The following MX2 variants were observed in gnomAD, a reference collection of about 807,000 sequenced individuals.
MX2 encodes the protein MX dynamin like GTPase 2.
Under a neutral mutation model 74.0 loss-of-function variants are expected in MX2, and 51 were observed. The observed-to-expected ratio is 0.69, with a 90% CI of 0.55 to 0.87. The LOEUF (loss-of-function observed/expected upper bound fraction) is 0.87, where lower values mean the gene tolerates loss of function less well. MX2 is among the 40% of genes least tolerant of loss of function. The pLI is 0.00. For missense variants in MX2, 832 were observed against 908.7 expected (o/e 0.92, Z 1.09); for synonymous variants, 369 against 339.3 (o/e 1.09, Z -0.96).
chr21:41,376,963 A>G lies in MX2; in HGVS notation c.57A>G (p.Arg19=), dbSNP rs750734940. The G allele has an allele frequency of 2.5e-6, 4 of 1,614,086 alleles. No homozygotes were observed. The South Asian group carries it at 4.4e-5, about 18-fold the overall frequency. ...GGAGGAGAAGTCAATTTTCTTCTCGAAAATACCTGAAAAAAGAAATGAATT... is the reference window on the plus strand; with the variant it reads ...GGAGGAGAAGTCAATTTTCTTCTCGGAAATACCTGAAAAAAGAAATGAATT... ...PYRRRSQFSS[R]KYLKKEMNSF... The change falls in exon 2 of 14, where the codon CGA becomes CGG. Residue 19 remains arginine, a synonymous_variant. Coordinates refer to ENST00000330714, the MANE Select transcript of MX2 (RefSeq NM_002463.2).
chr21:41,372,402 ATTAC>A (rs1381657217), intron 1 of MX2, among the ~76,000 whole-genome samples: 1 of 152,238 alleles, frequency 6.6e-6, no homozygotes, highest in Non-Finnish European at 1.5e-5. Flanking sequence ...GATTGCCAAT[ATTAC>A]TTGTCAGAAG....
intron 7 of MX2, among the ~76,000 whole-genome samples, chr21:41,397,022 G>C (rs1238992222): frequency 1.3e-5 from 2 of 152,160 alleles, no homozygotes; most frequent in Admixed American, 1.3e-4. Flanking sequence ...TGAAATCCTT[G>C]CATGCCTGCT....
chr21:41,379,970 A>C (rs1489169392), intron 3 of MX2, 47 bp from the exon 4 acceptor site: 6 of 1,607,200 alleles, frequency 3.7e-6, no homozygotes, highest in Admixed American at 1.7e-5. Flanking sequence ...GCCCAGTGCC[A>C]CTTCTTTAAA....
rs1212498745 is a variant in MX2 at position 41,368,664 on chromosome 21, C to T, written c.-72+6609C>T. 6.6e-6 allele frequency among the ~76,000 whole-genome samples: 1 copy of T among 152,154 alleles called. No individual in the cohort carries two copies. Among genetic ancestry groups the T allele is most frequent in the Admixed American group, 6.5e-5 (1 of 15,284 alleles). Reference sequence around the variant, plus strand: ...ATGAGGGTGAGGGTGAGGGTGGCGACAGTTTTAAATATGTTTTAAAAGGAA... The same window carrying T: ...ATGAGGGTGAGGGTGAGGGTGGCGATAGTTTTAAATATGTTTTAAAAGGAA... On this transcript the variant is annotated intron_variant, in intron 1 of 13. Coordinates refer to ENST00000330714, the MANE Select transcript of MX2 (RefSeq NM_002463.2). This position sits in a 1 kb window ranked among gnomAD's most constrained non-coding sequence, Gnocchi z 4.6.
Position 41,385,198 on chromosome 21 carries a change from A to G in MX2, c.732+2634A>G, listed in dbSNP as rs147960220. ...AAGCAGCTTAGCTTTTGGCCTTTACATGCCTTTCTCACTAAACTCAATCAT... is the reference window on the plus strand; with the variant it reads ...AAGCAGCTTAGCTTTTGGCCTTTACGTGCCTTTCTCACTAAACTCAATCAT... On this transcript the variant is annotated intron_variant, in intron 5 of 13. Coordinates refer to ENST00000330714, the MANE Select transcript of MX2 (RefSeq NM_002463.2). 2.3e-3 allele frequency among the ~76,000 whole-genome samples: 351 copies of G among 152,366 alleles called. 1 individual carries two copies. The highest frequency in any genetic ancestry group is 6.8e-3 in the Middle Eastern group (2 of 294).
intron 4 of MX2, among the ~76,000 whole-genome samples, chr21:41,381,916 C>T (rs908644993): frequency 6.6e-6 from 1 of 152,166 alleles, no homozygotes; most frequent in African/African-American, 2.4e-5. Context: ...CAGCCAGCTT[C>T]CCCTAGGGCT....
At chr21:41,405,535 A>T (rs911534876) in intron 12 of MX2, among the ~76,000 whole-genome samples, 1 of 151,918 alleles carries the variant, frequency 6.6e-6, no homozygotes, top group Admixed American at 6.6e-5. Flanking sequence ...GGCCTCAGTC[A>T]CATTCATGAG....
In MX2 at chr21:41,406,749, G is replaced by T. The variant is rs61730267; in HGVS notation, c.1656G>T (p.Thr552=). 1.9e-6 allele frequency: 3 copies of T among 1,613,750 alleles called. No homozygotes were observed. Among genetic ancestry groups the T allele is most frequent in the East Asian group, 2.2e-5 (1 of 44,874 alleles). The part of the protein sequence containing the change: ...FFNLNQTVQS[T]IEDIKVKHTA... ...TGTCTTTTTTATCTAACCAGAGCAC[G>T]ATTGAAGACATAAAAGTGAAACACA... Residue 552 remains threonine, a synonymous_variant, in exon 13 of 14, where the codon ACG becomes ACT. Coordinates refer to ENST00000330714, the MANE Select transcript of MX2 (RefSeq NM_002463.2).
intron 3 of MX2, among the ~76,000 whole-genome samples, chr21:41,379,087 T>G (rs1344428118): frequency 6.6e-6 from 1 of 152,216 alleles, no homozygotes; most frequent in Non-Finnish European, 1.5e-5. Context: ...TGCTGCCACC[T>G]GCAGCCTGGT....
chr21:41,370,174 C>CTGTGA (rs2089305417), intron 1 of MX2: 1 of 152,228 alleles, frequency 6.6e-6, no homozygotes, highest in South Asian at 2.1e-4. Flanking sequence ...AGGGATAAGC[C>CTGTGA]TGTGATAGCC....
At chr21:41,377,375 G>A (rs1273308150) in intron 2 of MX2, among the ~76,000 whole-genome samples, 2 of 152,144 alleles carry the variant, frequency 1.3e-5, no homozygotes, top group Admixed American at 6.5e-5. Flanking sequence ...TTCTGTGTGC[G>A]GGGGTCCCCT....
intron 13 of MX2, among the ~76,000 whole-genome samples, chr21:41,407,670 C>T (rs2089905055): frequency 6.6e-6 from 1 of 152,122 alleles, no homozygotes; most frequent in South Asian, 2.1e-4. Flanking sequence ...TGGTGCATAC[C>T]CAGAAGGGAG....
intron 1 of MX2, among the ~76,000 whole-genome samples, chr21:41,374,499 C>T (rs1397938070): frequency 6.6e-6 from 1 of 152,214 alleles, no homozygotes; most frequent in African/African-American, 2.4e-5. Flanking sequence ...CAGCAGACCC[C>T]ATGAGGATGA....
intron 1 of MX2, among the ~76,000 whole-genome samples, chr21:41,362,493 T>C (rs2089220687): frequency 1.3e-5 from 2 of 152,036 alleles, no homozygotes; most frequent in African/African-American, 2.4e-5. Flanking sequence ...TTAGTGACGG[T>C]GATATGCTGG....
intron 1 of MX2, among the ~76,000 whole-genome samples, chr21:41,369,987 C>A (rs530924215): frequency 1.3e-5 from 2 of 152,200 alleles, no homozygotes; most frequent in Non-Finnish European, 2.9e-5. Context: ...CTTTGGAAAG[C>A]CAGTGTTTGC....
intron 1 of MX2, among the ~76,000 whole-genome samples, chr21:41,374,724 C>T (rs919088385): frequency 6.6e-5 from 10 of 152,166 alleles, no homozygotes; most frequent in Admixed American, 2.0e-4. Flanking sequence ...AAACTCTGGA[C>T]GCATGAGATT....
intron 1 of MX2, among the ~76,000 whole-genome samples, chr21:41,369,998 A>G (rs568408062): frequency 1.6e-3 from 243 of 152,320 alleles, no homozygotes; most frequent in African/African-American, 5.3e-3. Flanking sequence ...CAGTGTTTGC[A>G]TGTGGAGATT....
chr21:41,390,699 C>G lies in MX2; in HGVS notation c.867C>G (p.Thr289=). 6.2e-7 allele frequency: 1 copy of G among 1,613,932 alleles called. No homozygotes were observed. The highest frequency in any genetic ancestry group is 1.1e-5 in the South Asian group (1 of 91,076). Residue 289 remains threonine, a synonymous_variant, in exon 6 of 14, where the codon ACC becomes ACG. Transcript: ENST00000330714. The part of the protein sequence containing the change: ...AHEVDPEGDR[T]IGILTKPDLM... ...AGGTGGACCCGGAAGGGGACAGGACCATCGGTAAGAGGAAAGAACCAAGTG... is the reference window on the plus strand; with the variant it reads ...AGGTGGACCCGGAAGGGGACAGGACGATCGGTAAGAGGAAAGAACCAAGTG...
intron 1 of MX2, chr21:41,373,903 G>GGAACCAGCCCTGGGACA (rs1568932666): frequency 3.3e-5 from 5 of 151,668 alleles, no homozygotes; most frequent in Non-Finnish European, 7.3e-5. Flanking sequence ...AACAGCAGGC[G>GGAACCAGCCCTGGGACA]GGAACCAGCC....
Sources: allele counts gnomAD v4.1 joint callset (sites outside exome capture counted in the v4.1 genomes callset), GRCh38; gene constraint gnomAD v4.1.1; non-coding constraint Gnocchi (gnomAD v3.1); transcripts MANE v1.5; gene names NCBI Gene and HGNC (gene_info 2026-07-23, HGNC 2026-07-21).